STPG2: variants seen among roughly 807,000 people sequenced by gnomAD.
STPG2 encodes the protein sperm-tail PG-rich repeat-containing protein 2.
STPG2 carries 56 observed loss-of-function variants against 54.2 expected under a neutral mutation model. The observed-to-expected ratio is 1.03, with a 90% CI of 0.83 to 1.29. STPG2 has a LOEUF of 1.29. STPG2 is among the 50% of genes most tolerant of loss of function. STPG2 has a pLI of 0.00. For missense variants in STPG2, 596 were observed against 544.9 expected (o/e 1.09, Z -0.93); for synonymous variants, 200 against 181.8 (o/e 1.10, Z -0.81).
At chr4:97,602,116 C>T (rs61403706) in intron 10 of STPG2, among the ~76,000 whole-genome samples, 20,097 of 151,746 alleles carry the variant, frequency 0.13, 4,094 homozygotes, top group African/African-American at 0.44. Context: ...CAAAATCTCT[C>T]ATAAATTTTA....
At chr4:97,591,454 G>A (rs1733144742) in intron 10 of STPG2, among the ~76,000 whole-genome samples, 1 of 152,100 alleles carries the variant, frequency 6.6e-6, no homozygotes, top group Non-Finnish European at 1.5e-5. Context: ...CATTCCATAA[G>A]CAGACTTGCT....
chr4:97,567,377 T>C (rs969462533), intron 10 of STPG2, among the ~76,000 whole-genome samples: 5 of 150,696 alleles, frequency 3.3e-5, no homozygotes, highest in African/African-American at 1.2e-4. Context: ...AGAATGCAAA[T>C]TGGTGCAATC....
chr4:97,723,449 T>C (rs1724519510), intron 9 of STPG2, among the ~76,000 whole-genome samples: 1 of 152,118 alleles, frequency 6.6e-6, no homozygotes, highest in Non-Finnish European at 1.5e-5. Context: ...GCAGCAAACA[T>C]GCAAGTGTAC....
rs543013099 is a variant in STPG2, at chr4:97,991,807, G to A, written c.613-10489C>T. Among the ~76,000 whole-genome samples the A allele has an allele frequency of 1.6e-3, 236 of 152,198 alleles. 1 individual carries two copies. The highest frequency in any genetic ancestry group is 5.6e-3 in the African/African-American group (233 of 41,518). On this transcript the variant is annotated intron_variant, in intron 5 of 10. Coordinates refer to ENST00000295268, the MANE Select transcript of STPG2 (RefSeq NM_174952.3). ...TTTTATTATGACCATTCTTGCAGGA[G>A]AAAGGTGGTGTCACATTGTGATTTT... is the stretch of plus-strand genomic sequence containing the variant.
intron 10 of STPG2, among the ~76,000 whole-genome samples, chr4:97,699,812 G>A (rs772423316): frequency 2.0e-5 from 3 of 152,180 alleles, no homozygotes; most frequent in Non-Finnish European, 4.4e-5. Context: ...GTGCAGGCTG[G>A]AGGAGACGAG....
intron 9 of STPG2, among the ~76,000 whole-genome samples, chr4:97,781,117 C>A (rs1246366362): frequency 2.0e-5 from 3 of 151,972 alleles, no homozygotes; most frequent in Non-Finnish European, 4.4e-5. Context: ...CACAAAAAAA[C>A]CCTTCAAAAA....
At chr4:97,737,721 A>C (rs1287184407) in intron 9 of STPG2, among the ~76,000 whole-genome samples, 1 of 152,250 alleles carries the variant, frequency 6.6e-6, no homozygotes, top group Non-Finnish European at 1.5e-5. Flanking sequence ...TGAAAAGACC[A>C]TATCTACGTC....
At chr4:98,134,133 G>C (rs1740071438) in intron 2 of STPG2, among the ~76,000 whole-genome samples, 1 of 151,904 alleles carries the variant, frequency 6.6e-6, no homozygotes, top group South Asian at 2.1e-4. Flanking sequence ...AATGTTTTGT[G>C]TCTTATAGAA....
At chr4:98,008,956 T>C (rs1735656902) in intron 5 of STPG2, among the ~76,000 whole-genome samples, 1 of 152,092 alleles carries the variant, frequency 6.6e-6, no homozygotes, top group South Asian at 2.1e-4. Context: ...TGTCTTGTAA[T>C]CCTTTGAATT....
At chr4:97,883,371 G>A (rs902954020) in intron 8 of STPG2, among the ~76,000 whole-genome samples, 1 of 151,590 alleles carries the variant, frequency 6.6e-6, no homozygotes, top group Middle Eastern at 3.4e-3. Flanking sequence ...CTAAGTGACA[G>A]AGCAAGACCT....
intron 5 of STPG2, among the ~76,000 whole-genome samples, chr4:98,059,060 T>A (rs909759112): frequency 6.6e-6 from 1 of 150,478 alleles, no homozygotes; most frequent in Non-Finnish European, 1.5e-5. Flanking sequence ...CCAGGGCTTG[T>A]TTTTTTTGAA....
intron 5 of STPG2, among the ~76,000 whole-genome samples, chr4:97,993,216 G>A (rs1443282807): frequency 2.0e-5 from 3 of 152,090 alleles, no homozygotes; most frequent in Non-Finnish European, 4.4e-5. Context: ...TGTTGCCTGT[G>A]GGTTTATCAT....
Position 97,981,280 on chromosome 4 carries a change from G to T in STPG2, c.651C>A (p.Gly217=). Residue 217 remains glycine (G), a synonymous_variant, in exon 6 of 11, where the codon GGC becomes GGA. Transcript: ENST00000295268. ...LPMKSITPAP[G]TYNEPRTALK... ...GAGCAGTTCGAGGTTCATTATATGT[G>T]CCAGGAGCCGGGGTGATTGATTTCA... 1.2e-6 allele frequency: 2 copies of T among 1,614,030 alleles called. No homozygotes were observed. Among genetic ancestry groups the T allele is most frequent in the Non-Finnish European group, 1.7e-6 (2 of 1,179,968 alleles).
chr4:97,670,856 T>C (rs553652496), intron 10 of STPG2, among the ~76,000 whole-genome samples: 1 of 152,042 alleles, frequency 6.6e-6, no homozygotes, highest in Non-Finnish European at 1.5e-5. Context: ...TCACAACAGG[T>C]CCCATGTCAT....
At chr4:97,829,980 C>T (rs1014221283) in intron 9 of STPG2, among the ~76,000 whole-genome samples, 1 of 152,102 alleles carries the variant, frequency 6.6e-6, no homozygotes, top group Non-Finnish European at 1.5e-5. Context: ...ACTTCCCCAA[C>T]ATAGCAAGAC....
intron 9 of STPG2, among the ~76,000 whole-genome samples, chr4:97,771,040 T>C (rs1188223894): frequency 1.3e-5 from 2 of 152,218 alleles, no homozygotes; most frequent in African/African-American, 4.8e-5. Context: ...CTAATAGTAG[T>C]AGTGCTCTAA....
At chr4:97,525,396 G>T (rs1423819433) in intron 4 of STPG2, among the ~76,000 whole-genome samples, 1 of 151,752 alleles carries the variant, frequency 6.6e-6, no homozygotes, top group Admixed American at 6.6e-5. Flanking sequence ...GAACAACTAG[G>T]ATATTTGGTA....
intron 9 of STPG2, among the ~76,000 whole-genome samples, chr4:97,790,479 T>C (rs993413776): frequency 6.6e-6 from 1 of 152,154 alleles, no homozygotes; most frequent in Non-Finnish European, 1.5e-5. Flanking sequence ...CTTTTCTGGA[T>C]TCTAGAAGAG....
At chr4:97,624,456 C>G (rs1734089423) in intron 10 of STPG2, among the ~76,000 whole-genome samples, 1 of 152,118 alleles carries the variant, frequency 6.6e-6, no homozygotes. Context: ...CTTTTGCCCA[C>G]TATTTAATGG....
Sources: allele counts gnomAD v4.1 joint callset (sites outside exome capture counted in the v4.1 genomes callset), GRCh38; gene constraint gnomAD v4.1.1; transcripts MANE v1.5; gene names NCBI Gene and HGNC (gene_info 2026-07-23, HGNC 2026-07-21).